Variants in BGN observed in about 807,000 individuals in gnomAD.
BGN encodes the protein bone/cartilage proteoglycan-I.
In BGN, 6 loss-of-function variants were observed where a neutral mutation model predicts 20.0. That is an observed-to-expected ratio of 0.30 (90% CI 0.16 to 0.59). BGN has a LOEUF of 0.59. Among genes scored for constraint, BGN ranks in the 20% least tolerant of loss-of-function variants. The pLI is 0.88. For synonymous variants in BGN, 146 were observed against 134.6 expected, an observed-to-expected ratio of 1.08 and a Z score of -0.59; for missense variants, 292 against 312.1, an observed-to-expected ratio of 0.94 and a Z score of 0.49.
rs782391883 is a variant in BGN at position 153,509,028 on chromosome X, C to CCT, written c.*612_*613dup. ...TTCTGTTCTCTCTTTCCCCGTCCTT[C>CCT]CTCTCTCTCTCTCTCTCTCTCTCTC... On this transcript the variant is annotated 3_prime_UTR_variant, in exon 8 of 8. Coordinates refer to ENST00000331595, the MANE Select transcript of BGN (RefSeq NM_001711.6). 1,565 of 87,814 alleles carry CCT rather than the reference C, an allele frequency of 0.018. 20 individuals are homozygous for CCT. The highest frequency in any genetic ancestry group is 0.027 in the African/African-American group (584 of 21,882). The allele number at this position is 87,814 out of a possible 1,213,427, so 7.2% of individuals were successfully genotyped here. A position where few individuals can be genotyped will look rare whatever the true frequency, so the allele number is the denominator to read the frequency against.
In BGN at chrX:153,508,784, T is replaced by C. The variant is rs1556993923; in HGVS notation, c.*339T>C. The C allele has an allele frequency of 1.0e-5, 3 of 298,871 alleles. No individual in the cohort carries two copies. Among genetic ancestry groups the C allele is most frequent in the African/African-American group, 2.7e-5 (1 of 36,990 alleles). The allele number at this position is 298,871 out of a possible 1,213,427, so 24.6% of individuals were successfully genotyped here. ...CAAGGCTCCAGTCCTAGGAGAACAG[T>C]CCCTGGGTCAGCAGCCAGGAGGCGG... On this transcript the variant is annotated 3_prime_UTR_variant, in exon 8 of 8. Coordinates refer to ENST00000331595, the MANE Select transcript of BGN (RefSeq NM_001711.6).
chrX:153,505,171 A>C, intron 2 of BGN, 67 bp from the exon 3 acceptor site: 1 of 916,279 alleles, frequency 1.1e-6, no homozygotes, highest in South Asian at 2.3e-5. Context: ...TCTCGAGTTC[A>C]TGCTGGTGGT....
chrX:153,498,671 G>A (rs1204881015), intron 1 of BGN, among the ~76,000 whole-genome samples: 4 of 112,674 alleles, frequency 3.6e-5, no homozygotes, highest in African/African-American at 1.3e-4. Flanking sequence ...TACCAGGGAG[G>A]GAGGGAGGCA....
intron 1 of BGN, 126 bp from the exon 2 acceptor site, chrX:153,504,495 C>T: frequency 3.5e-6 from 2 of 576,046 alleles, no homozygotes; most frequent in Non-Finnish European, 2.7e-6. Context: ...GCCTCCCGCT[C>T]CAGGGTCTGG....
intron 1 of BGN, among the ~76,000 whole-genome samples, chrX:153,499,109 A>G (rs182708648): frequency 1.7e-3 from 187 of 112,410 alleles, no homozygotes; most frequent in Admixed American, 0.015. Flanking sequence ...GCCTCAGTTT[A>G]CCCCTTCATC....
chrX:153,505,373 C>T (rs782148700), intron 3 of BGN, 23 bp downstream of exon 3: 5 of 1,165,268 alleles, frequency 4.3e-6, no homozygotes, highest in Non-Finnish European at 5.8e-6. Flanking sequence ...GAGGAACCAG[C>T]AGGCCTACAG....
At chrX:153,507,492 C>T (rs2089811174) in intron 7 of BGN, among the ~76,000 whole-genome samples, 1 of 112,240 alleles carries the variant, frequency 8.9e-6, no homozygotes, top group Admixed American at 9.3e-5. Context: ...AGATCTGTGC[C>T]AAGACAGTGA....
chrX:153,505,415 C>T (rs782112754), intron 3 of BGN, 65 bp downstream of exon 3: 94 of 959,355 alleles, frequency 9.8e-5, no homozygotes, highest in Middle Eastern at 5.4e-4. Flanking sequence ...GGTGCATGTG[C>T]GTGGACGTGT....
rs150272427 is a variant in BGN at position 153,505,309 on chromosome X, G to A, written c.310G>A (p.Glu104Lys). The A allele has an allele frequency of 3.6e-4, 432 of 1,209,149 alleles. 1 individual carries two copies. In the African/African-American group the frequency reaches 4.8e-3, roughly 13 times the overall value. ...LLDLQNNDIS[E>K]LRKDDFKGLQ... Reference sequence around the variant, plus strand: ...GGACCTGCAGAACAACGACATCTCCGAGCTCCGCAAGGATGACTTCAAGGG... The same window carrying A: ...GGACCTGCAGAACAACGACATCTCCAAGCTCCGCAAGGATGACTTCAAGGG... The change falls in exon 3 of 8, where the codon GAG (glutamate) becomes AAG (lysine). Residue 104 changes from glutamate to lysine, a missense_variant. Physicochemically the swap from Glu to Lys is moderately conservative, Grantham distance 56. Transcript: ENST00000331595.
chrX:153,499,699 G>T (rs1416451373), intron 1 of BGN, among the ~76,000 whole-genome samples: 1 of 113,267 alleles, frequency 8.8e-6, no homozygotes, highest in Non-Finnish European at 1.9e-5. Flanking sequence ...CTTTGGCAAG[G>T]CCAGGGAGGG....
chrX:153,499,272 G>A (rs1377483480), intron 1 of BGN, among the ~76,000 whole-genome samples: 2 of 112,228 alleles, frequency 1.8e-5, no homozygotes, highest in Admixed American at 9.4e-5. Context: ...GGATCTCTTC[G>A]GAGAGTGGGA....
chrX:153,506,489 G>A, intron 4 of BGN, 40 bp from the exon 5 acceptor site: 3 of 1,157,020 alleles, frequency 2.6e-6, no homozygotes, highest in Non-Finnish European at 2.3e-6. Context: ...GGCTGTGCAG[G>A]GACCACCAGG....
At chrX:153,500,792 T>C (rs1258890417) in intron 1 of BGN, among the ~76,000 whole-genome samples, 1 of 110,113 alleles carries the variant, frequency 9.1e-6, no homozygotes, top group Non-Finnish European at 1.9e-5. Flanking sequence ...TGTGTGTGCA[T>C]GTGTGTATGT....
Position 153,507,182 on chromosome X carries a change from C to A in BGN, c.906C>A (p.Leu302=). The change falls in exon 7 of 8, where the codon CTC becomes CTA. Residue 302 remains leucine (L), a synonymous_variant. Coordinates refer to ENST00000331595, the MANE Select transcript of BGN (RefSeq NM_001711.6). ...VPSGLPDLKL[L]QVVYLHSNNI... Reference sequence around the variant, plus strand: ...CAGGGCTCCCAGACCTCAAGCTCCTCCAGGTGAGAGCTGGGCATGCACAGC... The same window carrying A: ...CAGGGCTCCCAGACCTCAAGCTCCTACAGGTGAGAGCTGGGCATGCACAGC... 1 of 1,197,908 alleles carries A rather than the reference C, an allele frequency of 8.3e-7. No individual in the cohort carries two copies. The highest frequency in any genetic ancestry group is 1.1e-6 in the Non-Finnish European group (1 of 887,768).
chrX:153,506,390 C>T (rs1302626800), intron 4 of BGN, 139 bp from the exon 5 acceptor site: 22 of 570,119 alleles, frequency 3.9e-5, no homozygotes, highest in South Asian at 2.0e-4. Flanking sequence ...GCAATTAGCC[C>T]GGTAAATTAG....
intron 1 of BGN, among the ~76,000 whole-genome samples, chrX:153,499,780 G>A (rs2089743790): frequency 8.9e-6 from 1 of 112,822 alleles, no homozygotes; most frequent in South Asian, 3.7e-4. Flanking sequence ...TGGTGGACTG[G>A]GGCCTGGGAG....
intron 3 of BGN, 143 bp downstream of exon 3, chrX:153,505,493 G>A: frequency 1.9e-6 from 1 of 524,756 alleles, no homozygotes; most frequent in Non-Finnish European, 3.1e-6. Flanking sequence ...CGTGATGGGA[G>A]CTCCCGGGTT....
intron 1 of BGN, among the ~76,000 whole-genome samples, chrX:153,499,936 C>T (rs2089744856): frequency 8.8e-6 from 1 of 113,061 alleles, no homozygotes; most frequent in African/African-American, 3.2e-5. Context: ...GAAGGTGGCA[C>T]ATGTGTCAGA....
chrX:153,503,650 C>T (rs975562973), intron 1 of BGN, among the ~76,000 whole-genome samples: 15 of 111,525 alleles, frequency 1.3e-4, no homozygotes, highest in African/African-American at 3.9e-4. Flanking sequence ...AGGAGGCAAG[C>T]AGAGGTGGGT....
Sources: allele counts gnomAD v4.1 joint callset (sites outside exome capture counted in the v4.1 genomes callset), GRCh38; gene constraint gnomAD v4.1.1; transcripts MANE v1.5; gene names NCBI Gene and HGNC (gene_info 2026-07-23, HGNC 2026-07-21).